Variants in OGFOD1 observed in about 807,000 individuals in gnomAD.
OGFOD1 encodes the protein 2-oxoglutarate and iron dependent oxygenase domain containing 1.
Under a neutral mutation model 67.7 loss-of-function variants are expected in OGFOD1, and 54 were observed. That is an observed-to-expected ratio of 0.80 (90% CI 0.64 to 1.00). OGFOD1 has a LOEUF of 1.00. OGFOD1 is among the 50% of genes least tolerant of loss of function. The pLI, the probability that OGFOD1 is intolerant of heterozygous loss-of-function variation, is 0.00. For synonymous variants in OGFOD1, 221 were observed against 227.0 expected (o/e 0.97, Z 0.24); for missense variants, 606 against 646.7 (o/e 0.94, Z 0.68).
At chr16:56,465,874 T>C (rs1479833018) in intron 4 of OGFOD1, 12 of 297,708 alleles carry the variant, frequency 4.0e-5, no homozygotes, top group African/African-American at 2.2e-5. Flanking sequence ...TAAATACATA[T>C]ATGTAGGAAA....
chr16:56,475,080 A>C, intron 11 of OGFOD1, 130 bp downstream of exon 11: 3 of 928,088 alleles, frequency 3.2e-6, no homozygotes, highest in Non-Finnish European at 3.2e-6. Flanking sequence ...TGGGATCTCA[A>C]AGTCAAAGGG....
intron 3 of OGFOD1, 133 bp from the exon 4 acceptor site, chr16:56,462,401 A>G: frequency 6.5e-6 from 4 of 620,108 alleles, no homozygotes; most frequent in South Asian, 5.8e-5. Context: ...GAATGTCTCA[A>G]ATGAGATCGG....
rs1485029790 is a variant in OGFOD1, at chr16:56,479,008, C to T, written c.*2803C>T. On this transcript the variant is annotated 3_prime_UTR_variant, in exon 13 of 13. Coordinates refer to ENST00000566157, the MANE Select transcript of OGFOD1 (RefSeq NM_018233.4). ...TTGATTGCTTTTTAGGGCCTGGGGC[C>T]AATGTCAACAACTCTTAGGTAGCAA... The T allele has an allele frequency of 1.3e-5, 2 of 152,172 alleles. No homozygotes were observed. The highest frequency in any genetic ancestry group is 2.4e-5 in the African/African-American group (1 of 41,438). The allele number at this position is 152,172 out of a possible 1,614,324, so 9.4% of individuals were successfully genotyped here.
At chr16:56,475,403 C>T (rs764777274) in intron 11 of OGFOD1, 104 bp from the exon 12 acceptor site, 43 of 1,038,042 alleles carry the variant, frequency 4.1e-5, no homozygotes, top group Non-Finnish European at 6.3e-5. Flanking sequence ...CTGCTGAACT[C>T]CCAGATCCCC....
chr16:56,467,008 T>C, intron 6 of OGFOD1, 41 bp downstream of exon 6: 2 of 1,544,536 alleles, frequency 1.3e-6, no homozygotes, highest in South Asian at 1.1e-5. Context: ...AAGGATTATG[T>C]TTTTTAATCA....
chr16:56,475,251 C>T (rs1371097559), intron 11 of OGFOD1, among the ~76,000 whole-genome samples: 1 of 152,098 alleles, frequency 6.6e-6, no homozygotes, highest in Non-Finnish European at 1.5e-5. Context: ...GCATTTAATT[C>T]TCTCTTAATT....
intron 10 of OGFOD1, among the ~76,000 whole-genome samples, chr16:56,471,430 T>A (rs948424062): frequency 6.6e-6 from 1 of 151,854 alleles, no homozygotes; most frequent in African/African-American, 2.4e-5. Flanking sequence ...GAAAAGTCTC[T>A]CTGAGGAGCG....
chr16:56,454,243 G>C (rs567761798), intron 2 of OGFOD1, among the ~76,000 whole-genome samples: 2 of 152,154 alleles, frequency 1.3e-5, no homozygotes, highest in Non-Finnish European at 2.9e-5. Context: ...AGCTACTTGG[G>C]AGGCTGAGGC....
chr16:56,458,846 AG>A lies in OGFOD1; in HGVS notation c.347+254del, dbSNP rs1322444243. ...AAATGCTCAATCTTGTTAGTAATCA[AG>A]GAAACAGAAGTTAACACTGGAGATA... On this transcript the variant is annotated intron_variant, in intron 3 of 12. Coordinates refer to ENST00000566157, the MANE Select transcript of OGFOD1 (RefSeq NM_018233.4). 9 of 466,824 alleles carry A rather than the reference AG, an allele frequency of 1.9e-5. No homozygotes were observed. In the East Asian group the frequency reaches 2.4e-4, roughly 13 times the overall value. 28.9% of individuals were successfully genotyped at this position (466,824 alleles called of 1,614,324 possible).
At chr16:56,453,214 C>A in intron 1 of OGFOD1, 49 bp from the exon 2 acceptor site, 2 of 1,569,006 alleles carry the variant, frequency 1.3e-6, no homozygotes, top group South Asian at 2.4e-5. Flanking sequence ...ACTTGGATGT[C>A]AAAAATACAA....
In OGFOD1 at chr16:56,477,129, CA is replaced by C. The variant is rs376333831; in HGVS notation, c.*936del. 4.8e-3 allele frequency: 673 copies of C among 139,542 alleles called. 13 individuals carry two copies. In the South Asian group the frequency reaches 0.053, roughly 11 times the overall value. 8.6% of individuals were successfully genotyped at this position (139,542 alleles called of 1,614,324 possible). A position where few individuals can be genotyped will look rare whatever the true frequency, so the allele number is the denominator to read the frequency against. On this transcript the variant is annotated 3_prime_UTR_variant, in exon 13 of 13. Transcript: ENST00000566157. ...GGGCAACAAGAGTGAAACTCTGTCT[CA>C]AAAAAAAAAAAGAAGAAAAAAACAT...
At position 56,451,573 on chromosome 16, in the gene OGFOD1, G is replaced by A. The variant is rs1034715636; in HGVS notation, c.-40G>A. On this transcript the variant is annotated 5_prime_UTR_variant, in exon 1 of 13. Transcript: ENST00000566157. Reference sequence around the variant, plus strand: ...GTTGCAGTACCCTCAGGAAGGTAGCGTCTTGATCTGCGTGGCGTGGTTCTG... The same window carrying A: ...GTTGCAGTACCCTCAGGAAGGTAGCATCTTGATCTGCGTGGCGTGGTTCTG... 24 of 1,609,824 alleles carry A rather than the reference G, an allele frequency of 1.5e-5. No individual in the cohort carries two copies. The highest frequency in any genetic ancestry group is 1.6e-4 in the Middle Eastern group (1 of 6,078).
In OGFOD1 at chr16:56,463,384, G is replaced by GTTTTTTTTTTTTTTTTT. The variant is rs56388148; in HGVS notation, c.448+764_448+780dup. The stretch of plus-strand genomic sequence containing the variant: ...TACTGCCATGTCATTTCTTTTTTGG[G>GTTTTTTTTTTTTTTTTT]TTTTTTTTTTTTTTTTTTTTTTTTT... On this transcript the variant is annotated intron_variant, in intron 4 of 12. Coordinates refer to ENST00000566157, the MANE Select transcript of OGFOD1 (RefSeq NM_018233.4). Among the ~76,000 whole-genome samples, 23 of 43,812 alleles carry GTTTTTTTTTTTTTTTTT rather than the reference G, an allele frequency of 5.2e-4. 2 individuals carry two copies. The highest frequency in any genetic ancestry group is 6.7e-4 in the Non-Finnish European group (17 of 25,498). 28.7% of individuals were successfully genotyped at this position (43,812 alleles called of 152,430 possible). A position where few individuals can be genotyped will look rare whatever the true frequency, so the allele number is the denominator to read the frequency against.
rs1298391747 is a variant in OGFOD1, at chr16:56,451,593, G to T, written c.-20G>T. ...GTAGCGTCTTGATCTGCGTGGCGTG[G>T]TTCTGTGCCTTGGGAAGAGATGAAT... On this transcript the variant is annotated 5_prime_UTR_variant, in exon 1 of 13. Transcript: ENST00000566157. The T allele has an allele frequency of 6.2e-7, 1 of 1,612,934 alleles. No individual in the cohort carries two copies. The highest frequency in any genetic ancestry group is 8.5e-7 in the Non-Finnish European group (1 of 1,179,926).
At chr16:56,465,317 A>T (rs1962859222) in intron 4 of OGFOD1, among the ~76,000 whole-genome samples, 1 of 152,122 alleles carries the variant, frequency 6.6e-6, no homozygotes, top group African/African-American at 2.4e-5. Context: ...CTATATATAG[A>T]TATATAAAAC....
intron 3 of OGFOD1, among the ~76,000 whole-genome samples, chr16:56,459,992 C>G (rs1962659318): frequency 6.6e-6 from 1 of 151,844 alleles, no homozygotes; most frequent in South Asian, 2.1e-4. Context: ...ATTATTTATT[C>G]TCATTATATT....
At chr16:56,457,035 C>T (rs1962545003) in intron 2 of OGFOD1, among the ~76,000 whole-genome samples, 1 of 152,338 alleles carries the variant, frequency 6.6e-6, no homozygotes, top group East Asian at 1.9e-4. Context: ...CTACTGTCAC[C>T]TGCTTAGACA....
chr16:56,474,823 C>A lies in OGFOD1; in HGVS notation c.1286-5C>A. 6.3e-7 allele frequency: 1 copy of A among 1,579,300 alleles called. No homozygotes were observed. The highest frequency in any genetic ancestry group is 8.6e-7 in the Non-Finnish European group (1 of 1,168,436). Reference sequence around the variant, plus strand: ...AAAGTTTCTCATCTTTTTTTTTTTCCTTAGAATCAAGTGTTCCCATGTGCC... The same window carrying A: ...AAAGTTTCTCATCTTTTTTTTTTTCATTAGAATCAAGTGTTCCCATGTGCC... On this transcript the variant is annotated splice_region_variant and splice_polypyrimidine_tract_variant and intron_variant, in intron 10 of 12. Transcript: ENST00000566157.
rs1962873170 is a variant in OGFOD1 at position 56,465,815 on chromosome 16, TA to T, written c.449-332del. 2.9e-5 allele frequency: 6 copies of T among 207,948 alleles called. No individual in the cohort carries two copies. The South Asian group carries it at 4.6e-4, about 16-fold the overall frequency. 12.9% of individuals were successfully genotyped at this position (207,948 alleles called of 1,614,324 possible). A position where few individuals can be genotyped will look rare whatever the true frequency, so the allele number is the denominator to read the frequency against. On this transcript the variant is annotated intron_variant, in intron 4 of 12. Coordinates refer to ENST00000566157, the MANE Select transcript of OGFOD1 (RefSeq NM_018233.4). Reference sequence around the variant, plus strand: ...AGGGAAAGATACTTGCCATGTAATTTAAAAAGCAGGCCACAAATAGACACTG... The same window carrying T: ...AGGGAAAGATACTTGCCATGTAATTTAAAAGCAGGCCACAAATAGACACTG...
Sources: gnomAD v4.1 joint callset for allele counts (sites outside exome capture counted in the v4.1 genomes callset) on GRCh38, gnomAD v4.1.1 for gene constraint, MANE v1.5 for transcripts, NCBI Gene and HGNC (gene_info 2026-07-23, HGNC 2026-07-21) for gene names.